Variants in TP53BP2 observed in about 807,000 individuals in gnomAD.
TP53BP2 encodes the protein apoptosis-stimulating of p53 protein 2.
In TP53BP2, 62 loss-of-function variants were observed where a neutral mutation model predicts 126.2. That is an observed-to-expected ratio of 0.49 (90% confidence interval 0.40 to 0.61). TP53BP2 has a LOEUF of 0.61. Among genes scored for constraint, TP53BP2 ranks in the 20% least tolerant of loss-of-function variants. The probability of loss-of-function intolerance (pLI) is 0.00; values close to 1 mark genes in which losing one functional copy is unlikely to be tolerated. For synonymous variants in TP53BP2, 485 were observed against 502.9 expected, an observed-to-expected ratio of 0.96 and a Z score of 0.48; for missense variants, 1,215 against 1,402.8, an observed-to-expected ratio of 0.87 and a Z score of 2.14.
intron 1 of TP53BP2, chr1:223,834,721 C>T: frequency 1.6e-6 from 1 of 641,358 alleles, no homozygotes; most frequent in Non-Finnish European, 1.9e-6. Context: ...CCCAGAGTAG[C>T]TCACCTGATT....
rs534325814 is a variant in TP53BP2, at chr1:223,819,201, T to C, written c.175+2019A>G. On this transcript the variant is annotated intron_variant, in intron 2 of 17. Transcript: ENST00000343537. ...CTCTGTCTCAAAAAAAAAAAAAAAGTTGTAAGAAAGAAAATCCTTTACATG... is the reference window on the plus strand; with the variant it reads ...CTCTGTCTCAAAAAAAAAAAAAAAGCTGTAAGAAAGAAAATCCTTTACATG... Among the ~76,000 whole-genome samples, 353 of 145,264 alleles carry C rather than the reference T, an allele frequency of 2.4e-3. 5 individuals are homozygous for C. Among genetic ancestry groups the C allele is most frequent in the African/African-American group, 8.6e-3 (342 of 39,648 alleles).
chr1:223,841,477 C>A (rs993643312), intron 1 of TP53BP2, among the ~76,000 whole-genome samples: 3 of 152,084 alleles, frequency 2.0e-5, no homozygotes, highest in Non-Finnish European at 4.4e-5. Flanking sequence ...ATAAAATGTT[C>A]CAAATACATA....
At chr1:223,816,099 A>G (rs1286387003) in intron 2 of TP53BP2, among the ~76,000 whole-genome samples, 6 of 152,212 alleles carry the variant, frequency 3.9e-5, no homozygotes, top group Non-Finnish European at 1.5e-5. Flanking sequence ...CATCTCCCCC[A>G]GCACCCTTTT....
At chr1:223,828,695 C>T (rs1402696922) in intron 1 of TP53BP2, among the ~76,000 whole-genome samples, 2 of 152,124 alleles carry the variant, frequency 1.3e-5, no homozygotes, top group Non-Finnish European at 2.9e-5. Flanking sequence ...ACAGATAAAC[C>T]TTGAAAATAT....
Position 223,780,883 on chromosome 1 carries a change from T to A in TP53BP2, c.3375A>T (p.Arg1125Ser), listed in dbSNP as rs1661752698. The change falls in exon 18 of 18, where the codon AGA becomes AGT. Residue 1125 changes from arginine (R) to serine (S), a missense_variant. Arg to Ser is a moderately radical substitution (Grantham distance 110, BLOSUM62 -1). Around this residue, in one of 4 missense-constraint regions of TP53BP2, gnomAD observed 151 missense variants for 231.2 expected, o/e 0.65. Coordinates refer to ENST00000343537, the MANE Select transcript of TP53BP2 (RefSeq NM_001031685.3). ...VPRNLLGLYPRIKPRQRSLA is the reference protein window; with the variant it reads ...VPRNLLGLYPSIKPRQRSLA Reference sequence around the variant, plus strand: ...CCAAGCTCCTTTGTCTTGGTTTAATTCTTGGGTACAGCTGCAAGAGAGTTT... The same window carrying A: ...CCAAGCTCCTTTGTCTTGGTTTAATACTTGGGTACAGCTGCAAGAGAGTTT... 2.5e-6 allele frequency: 4 copies of A among 1,613,812 alleles called. No homozygotes were observed. The highest frequency in any genetic ancestry group is 2.5e-6 in the Non-Finnish European group (3 of 1,179,952).
At chr1:223,813,812 C>T (rs1662994087) in intron 3 of TP53BP2, among the ~76,000 whole-genome samples, 1 of 152,132 alleles carries the variant, frequency 6.6e-6, no homozygotes, top group South Asian at 2.1e-4. Flanking sequence ...CCACCTCCAT[C>T]ATCACTCCTA....
Position 223,828,991 on chromosome 1 carries a change from T to TA in TP53BP2, c.28-7625dup, listed in dbSNP as rs145343242. On this transcript the variant is annotated intron_variant, in intron 1 of 17. Coordinates refer to ENST00000343537, the MANE Select transcript of TP53BP2 (RefSeq NM_001031685.3). ...TTTATGGTATGTGAATATATCACTT[T>TA]AAAAAAAAAAGAGCCCACCGTATGC... 8.1e-4 allele frequency among the ~76,000 whole-genome samples: 120 copies of TA among 148,494 alleles called. 1 individual carries two copies. The highest frequency in any genetic ancestry group is 4.7e-3 in the East Asian group (24 of 5,110).
At chr1:223,825,901 C>A (rs1466494898) in intron 1 of TP53BP2, 1 of 152,328 alleles carries the variant, frequency 6.6e-6, no homozygotes. Flanking sequence ...GCAAGGGAAG[C>A]GGTTGATGCA....
In TP53BP2 at chr1:223,784,016, A is replaced by G. The variant is rs139420901; in HGVS notation, c.3363+99T>C. On this transcript the variant is annotated intron_variant, in intron 17 of 17. Transcript: ENST00000343537. ...TGTTTAAATTCCATGTCTTATTAACAAAGGGCAGTTTGGTGCACTGTACAC... is the reference window on the plus strand; with the variant it reads ...TGTTTAAATTCCATGTCTTATTAACGAAGGGCAGTTTGGTGCACTGTACAC... 1.9e-4 allele frequency: 194 copies of G among 1,010,512 alleles called. 1 individual carries two copies. The East Asian group carries it at 4.6e-3, about 24-fold the overall frequency. 62.6% of individuals were successfully genotyped at this position (1,010,512 alleles called of 1,614,324 possible). A position where few individuals can be genotyped will look rare whatever the true frequency, so the allele number is the denominator to read the frequency against.
intron 1 of TP53BP2, among the ~76,000 whole-genome samples, chr1:223,839,948 C>A (rs992236894): frequency 4.7e-5 from 7 of 149,926 alleles, no homozygotes; most frequent in Admixed American, 2.0e-4. Flanking sequence ...TAAAAAAAAA[C>A]AACAACAAGT....
chr1:223,801,919 G>T (rs1662538630), intron 9 of TP53BP2, 197 bp downstream of exon 9: 1 of 483,458 alleles, frequency 2.1e-6, no homozygotes, highest in Non-Finnish European at 3.6e-6. Flanking sequence ...ATTATTTAGG[G>T]TTAAGAAAAA....
Position 223,790,582 on chromosome 1 carries a change from T to A in TP53BP2, c.2997-1408A>T, listed in dbSNP as rs535193766. On this transcript the variant is annotated intron_variant, in intron 15 of 17. Coordinates refer to ENST00000343537, the MANE Select transcript of TP53BP2 (RefSeq NM_001031685.3). Reference sequence around the variant, plus strand: ...AAAAAAAACAAAAAAAGAAAAAAAATTTTTTTAAATTCCCCATTCCAGATC... The same window carrying A: ...AAAAAAAACAAAAAAAGAAAAAAAAATTTTTTAAATTCCCCATTCCAGATC... Among the ~76,000 whole-genome samples the A allele has an allele frequency of 4.6e-5, 7 of 151,056 alleles. No homozygotes were observed. In the South Asian group the frequency reaches 8.3e-4, roughly 18 times the overall value.
intron 1 of TP53BP2, among the ~76,000 whole-genome samples, chr1:223,829,531 T>C (rs1663622946): frequency 6.6e-6 from 1 of 152,164 alleles, no homozygotes; most frequent in Non-Finnish European, 1.5e-5. Context: ...GTTCTTTAAA[T>C]ACCATATTCT....
chr1:223,830,507 T>A (rs1663659603), intron 1 of TP53BP2, among the ~76,000 whole-genome samples: 1 of 151,586 alleles, frequency 6.6e-6, no homozygotes, highest in Admixed American at 6.6e-5. Context: ...ATTATGTATA[T>A]CTCATGACCT....
intron 12 of TP53BP2, among the ~76,000 whole-genome samples, chr1:223,797,398 A>AT (rs1662360754): frequency 1.3e-5 from 2 of 150,790 alleles, no homozygotes; most frequent in Admixed American, 1.3e-4. Context: ...TACAGTAGAG[A>AT]ATATATATAT....
At chr1:223,819,506 G>A (rs1663224470) in intron 2 of TP53BP2, among the ~76,000 whole-genome samples, 6 of 151,998 alleles carry the variant, frequency 3.9e-5, no homozygotes, top group Admixed American at 3.9e-4. Context: ...CTAACACGGT[G>A]AAACCCTGTC....
At chr1:223,815,401 T>C (rs1008744286) in intron 2 of TP53BP2, among the ~76,000 whole-genome samples, 4 of 152,166 alleles carry the variant, frequency 2.6e-5, no homozygotes, top group Non-Finnish European at 4.4e-5. Flanking sequence ...CCAAAAAGGA[T>C]ACACCACAGT....
chr1:223,802,257 T>C lies in TP53BP2; in HGVS notation c.1084A>G (p.Met362Val), dbSNP rs747361499. Residue 362 changes from methionine to valine, a missense_variant, in exon 9 of 18, where the codon ATG (methionine) becomes GTG (valine). Met to Val is a conservative substitution (Grantham distance 21). This residue lies in a region of TP53BP2 where 814 missense variants were observed against 853.0 expected (regional missense o/e 0.95). Transcript: ENST00000343537. ...AVGPYIQSST[M>V]PRMPSRPELL... is the part of the protein sequence containing the mutation. ...TCAGGCCTTGAGGGCATCCGAGGCA[T>C]AGTAGACGACTGGATATAGGGACCT... The C allele has an allele frequency of 3.5e-5, 57 of 1,614,078 alleles. 1 individual carries two copies. The highest frequency in any genetic ancestry group is 1.6e-4 in the Middle Eastern group (1 of 6,084).
At position 223,796,111 on chromosome 1, in the gene TP53BP2, C is replaced by G; in HGVS notation, c.2428G>C (p.Val810Leu). ...TCCTCTGGGGACAATGATTCAGGAACCAGAGAGACCACCTCCTTTTCGGGC... is the reference window on the plus strand; with the variant it reads ...TCCTCTGGGGACAATGATTCAGGAAGCAGAGAGACCACCTCCTTTTCGGGC... ...VEPEKEVVSL[V>L]PESLSPEDVG... Residue 810 changes from valine to leucine, a missense_variant, in exon 13 of 18, where the codon GTT becomes CTT. Physicochemically the swap from Val to Leu is conservative, Grantham distance 32. Coordinates refer to ENST00000343537, the MANE Select transcript of TP53BP2 (RefSeq NM_001031685.3). This position sits in a 1 kb window ranked among gnomAD's most constrained non-coding sequence, Gnocchi z 4.2. 1.9e-6 allele frequency: 3 copies of G among 1,614,150 alleles called. No homozygotes were observed. The highest frequency in any genetic ancestry group is 2.5e-6 in the Non-Finnish European group (3 of 1,180,030).
Sources: allele counts gnomAD v4.1 joint callset (sites outside exome capture counted in the v4.1 genomes callset), GRCh38; gene constraint gnomAD v4.1.1; regional missense constraint gnomAD v4.1.1; non-coding constraint Gnocchi (gnomAD v3.1); transcripts MANE v1.5; gene names NCBI Gene and HGNC (gene_info 2026-07-23, HGNC 2026-07-21).